The following DTL variants were observed in gnomAD, a reference collection of about 807,000 sequenced individuals.
DTL encodes denticleless E3 ubiquitin protein ligase adapter, also known as denticleless protein homolog.
A neutral mutation model predicts 87.0 loss-of-function variants in DTL; 46 were observed. The observed-to-expected ratio is 0.53, with a 90% CI of 0.42 to 0.68. The LOEUF (loss-of-function observed/expected upper bound fraction) is 0.68. Among genes scored for constraint, DTL ranks in the 30% least tolerant of loss-of-function variants. DTL has a pLI of 0.00. For synonymous variants in DTL, 308 were observed against 311.2 expected, an observed-to-expected ratio of 0.99 and a Z score of 0.11; for missense variants, 737 against 869.4, an observed-to-expected ratio of 0.85 and a Z score of 1.91.
chr1:212,076,831 A>G (rs987190491), intron 11 of DTL, among the ~76,000 whole-genome samples: 23 of 152,232 alleles, frequency 1.5e-4, no homozygotes, highest in Admixed American at 7.2e-4. Context: ...TCTCTGTGCC[A>G]TTGTAGGAGT....
intron 3 of DTL, among the ~76,000 whole-genome samples, chr1:212,045,132 T>C (rs73072557): frequency 0.034 from 5,198 of 152,278 alleles, 298 homozygotes; most frequent in African/African-American, 0.12. Flanking sequence ...AATCTGTTCA[T>C]GAGGGATCCA....
intron 1 of DTL, 113 bp from the exon 2 acceptor site, chr1:212,042,880 G>T (rs1479914531): frequency 2.0e-6 from 2 of 975,994 alleles, no homozygotes; most frequent in Admixed American, 2.7e-5. Flanking sequence ...ATAGTAAGTG[G>T]ATCTATGTTA....
chr1:212,045,952 T>C (rs190072387), intron 3 of DTL, among the ~76,000 whole-genome samples: 73 of 152,172 alleles, frequency 4.8e-4, no homozygotes, highest in Non-Finnish European at 9.0e-4. Flanking sequence ...GTTGTTGTTG[T>C]ATTTTTGGTA....
chr1:212,046,991 A>G (rs111369940), intron 3 of DTL, among the ~76,000 whole-genome samples, 160 bp from the exon 4 acceptor site: 3,997 of 152,308 alleles, frequency 0.026, 60 homozygotes, highest in African/African-American at 0.047. Context: ...ATTCTGACTG[A>G]CGTGAAATGA....
chr1:212,083,666 A>C (rs1225973349), intron 13 of DTL, among the ~76,000 whole-genome samples: 1 of 152,236 alleles, frequency 6.6e-6, no homozygotes, highest in African/African-American at 2.4e-5. Flanking sequence ...TATTGGAAAG[A>C]TCATGTACAT....
At chr1:212,037,549 C>T (rs1304262410) in intron 1 of DTL, among the ~76,000 whole-genome samples, 1 of 152,160 alleles carries the variant, frequency 6.6e-6, no homozygotes, top group East Asian at 1.9e-4. Context: ...ACTAACTCTA[C>T]CATAGGCTAC....
At chr1:212,037,296 A>G (rs2102520153) in intron 1 of DTL, among the ~76,000 whole-genome samples, 1 of 152,260 alleles carries the variant, frequency 6.6e-6, no homozygotes, top group South Asian at 2.1e-4. Flanking sequence ...CATAATAGTC[A>G]CTGAAATTCA....
chr1:212,056,460 C>A (rs1474529851), intron 5 of DTL, among the ~76,000 whole-genome samples: 1 of 152,160 alleles, frequency 6.6e-6, no homozygotes, highest in East Asian at 1.9e-4. Flanking sequence ...AGTGTCCTCT[C>A]CAACCATCAC....
chr1:212,052,375 G>A (rs1668009607), intron 5 of DTL, among the ~76,000 whole-genome samples: 2 of 151,924 alleles, frequency 1.3e-5, no homozygotes, highest in Admixed American at 1.3e-4. Flanking sequence ...GGTGGCTCAG[G>A]CCTGTAATCC....
intron 6 of DTL, 127 bp downstream of exon 6, chr1:212,063,076 C>A: frequency 1.4e-6 from 1 of 701,712 alleles, no homozygotes; most frequent in Non-Finnish European, 2.5e-6. Context: ...CATTTCTGCT[C>A]ACTGTTCCAG....
intron 14 of DTL, 70 bp downstream of exon 14, chr1:212,101,154 C>A: frequency 9.4e-6 from 9 of 955,360 alleles, no homozygotes; most frequent in South Asian, 2.1e-5. Flanking sequence ...TGTCTCAAGT[C>A]AGGATGCTTT....
chr1:212,061,485 CAGTA>C (rs1654305012), intron 5 of DTL, among the ~76,000 whole-genome samples: 1 of 110,260 alleles, frequency 9.1e-6, no homozygotes, highest in African/African-American at 3.4e-5. Flanking sequence ...CTATGGAAAA[CAGTA>C]AGATTTCTCA....
intron 13 of DTL, among the ~76,000 whole-genome samples, chr1:212,085,295 C>T (rs1293083321): frequency 2.0e-5 from 3 of 152,108 alleles, no homozygotes; most frequent in African/African-American, 7.2e-5. Flanking sequence ...CTCTTATGTT[C>T]TTGTCAACAT....
intron 5 of DTL, among the ~76,000 whole-genome samples, chr1:212,055,220 G>T (rs536666805): frequency 1.3e-5 from 2 of 149,954 alleles, no homozygotes; most frequent in African/African-American, 5.1e-5. Flanking sequence ...TAGGAATCTG[G>T]AGAGGCTTCC....
At chr1:212,098,847 G>A (rs1305153138) in intron 13 of DTL, among the ~76,000 whole-genome samples, 1 of 152,018 alleles carries the variant, frequency 6.6e-6, no homozygotes, top group East Asian at 1.9e-4. Flanking sequence ...AGCAAGCAGG[G>A]CTGTTAGGCC....
rs1655706442 is a variant in DTL, at chr1:212,104,225, GT to G, written c.*1289del. 1 of 44,214 alleles carries G rather than the reference GT, an allele frequency of 2.3e-5. No individual in the cohort carries two copies. Among genetic ancestry groups the G allele is most frequent in the Non-Finnish European group, 5.4e-5 (1 of 18,572 alleles). 2.7% of individuals were successfully genotyped at this position (44,214 alleles called of 1,614,324 possible). A position where few individuals can be genotyped will look rare whatever the true frequency, so the allele number is the denominator to read the frequency against. ...CCCTTCCAGTCATGAAACTTCATTT[GT>G]TTTATCCATATCCCTGAGGACTGTG... On this transcript the variant is annotated 3_prime_UTR_variant, in exon 15 of 15. Coordinates refer to ENST00000366991, the MANE Select transcript of DTL (RefSeq NM_016448.4).
rs765997063 is a variant in DTL, at chr1:212,064,980, C to A, written c.590C>A (p.Pro197His). 1.4e-5 allele frequency: 22 copies of A among 1,613,972 alleles called. No individual in the cohort carries two copies. Among genetic ancestry groups the A allele is most frequent in the Non-Finnish European group, 1.7e-5 (20 of 1,180,004 alleles). Residue 197 changes from proline (P) to histidine (H), a missense_variant, in exon 7 of 15, where the codon CCT becomes CAT. Transcript: ENST00000366991. Reference protein sequence around the residue: ...GAHNTSDKQTPSKPKKKQNSK... With the variant: ...GAHNTSDKQTHSKPKKKQNSK... ...CACAATACCTCAGACAAGCAAACCC[C>A]TTCAAAACCCAAGAAGAAACAGAAT... is the stretch of plus-strand genomic sequence containing the variant.
chr1:212,074,945 C>G (rs745872353), intron 11 of DTL, among the ~76,000 whole-genome samples: 6 of 152,066 alleles, frequency 3.9e-5, no homozygotes, highest in African/African-American at 7.2e-5. Context: ...AATATTATAC[C>G]TTTTCTTTTT....
At position 212,066,849 on chromosome 1, in the gene DTL, A is replaced by C. The variant is rs779357802; in HGVS notation, c.677A>C (p.Asp226Ala). The C allele has an allele frequency of 6.2e-7, 1 of 1,614,036 alleles. No individual in the cohort carries two copies. The highest frequency in any genetic ancestry group is 8.5e-7 in the Non-Finnish European group (1 of 1,179,920). Residue 226 changes from aspartate to alanine, a missense_variant, in exon 8 of 15, where the codon GAC becomes GCC. Physicochemically the swap from Asp to Ala is moderately radical, Grantham distance 126. Transcript: ENST00000366991. ...QQSVTVVLFQDENTLVSAGAV... is the reference protein window; with the variant it reads ...QQSVTVVLFQAENTLVSAGAV... ...AGTGTTACTGTGGTCCTCTTTCAAG[A>C]CGAGAATACCTTAGTCTCAGCAGGA...
Sources: allele counts gnomAD v4.1 joint callset (sites outside exome capture counted in the v4.1 genomes callset), GRCh38; gene constraint gnomAD v4.1.1; transcripts MANE v1.5; gene names NCBI Gene and HGNC (gene_info 2026-07-23, HGNC 2026-07-21).